The following ATRNL1 variants were observed in gnomAD, a reference collection of about 807,000 sequenced individuals.
The protein encoded by ATRNL1 is attractin-like protein 1.
A neutral mutation model predicts 182.7 loss-of-function variants in ATRNL1; 95 were observed. That is an observed-to-expected ratio of 0.52 (90% CI 0.44 to 0.62). The LOEUF is 0.62. Among genes scored for constraint, ATRNL1 ranks in the 20% least tolerant of loss-of-function variants. ATRNL1 has a pLI of 0.00. For synonymous variants in ATRNL1, 576 were observed against 568.3 expected, an observed-to-expected ratio of 1.01 and a Z score of -0.19; for missense variants, 1,471 against 1,679.5, an observed-to-expected ratio of 0.88 and a Z score of 2.17.
chr10:115,263,732 TTAACTC>T (rs1304628651), intron 10 of ATRNL1, among the ~76,000 whole-genome samples: 1 of 151,794 alleles, frequency 6.6e-6, no homozygotes, highest in Non-Finnish European at 1.5e-5. Context: ...ATTTATTAAA[TTAACTC>T]TAACATGTAA....
chr10:115,160,328 T>A, intron 6 of ATRNL1, 114 bp downstream of exon 6: 1 of 947,418 alleles, frequency 1.1e-6, no homozygotes, highest in Non-Finnish European at 1.6e-6. Context: ...TGGTAGTGTC[T>A]ATTTGCTAGT....
intron 26 of ATRNL1, among the ~76,000 whole-genome samples, chr10:115,647,720 A>T (rs1859721622): frequency 6.6e-6 from 1 of 152,082 alleles, no homozygotes; most frequent in Non-Finnish European, 1.5e-5. Flanking sequence ...AGATGAGTAG[A>T]TTGTAAAAAT....
At chr10:115,336,481 G>T (rs1229151386) in intron 19 of ATRNL1, among the ~76,000 whole-genome samples, 1 of 152,144 alleles carries the variant, frequency 6.6e-6, no homozygotes, top group Non-Finnish European at 1.5e-5. Flanking sequence ...TTTTATTGGA[G>T]AAAGTGCATG....
intron 10 of ATRNL1, among the ~76,000 whole-genome samples, chr10:115,250,065 T>C (rs1554905078): frequency 6.6e-6 from 1 of 152,286 alleles, no homozygotes; most frequent in African/African-American, 2.4e-5. Context: ...GAATTCCCCA[T>C]ATGGCCATAG....
intron 26 of ATRNL1, among the ~76,000 whole-genome samples, chr10:115,575,652 A>G (rs1854656487): frequency 6.6e-6 from 1 of 151,602 alleles, no homozygotes; most frequent in African/African-American, 2.4e-5. Context: ...TTTTTTATTT[A>G]TTTTTCATTG....
chr10:115,124,106 C>T (rs1452523084), intron 3 of ATRNL1, among the ~76,000 whole-genome samples: 2 of 151,952 alleles, frequency 1.3e-5, no homozygotes, highest in Non-Finnish European at 2.9e-5. Flanking sequence ...TCATCCTCCC[C>T]CGGTCTGTGG....
intron 19 of ATRNL1, among the ~76,000 whole-genome samples, chr10:115,385,759 G>T (rs1554952444): frequency 1.3e-5 from 2 of 152,028 alleles, no homozygotes; most frequent in Non-Finnish European, 2.9e-5. Context: ...TTGTGATACT[G>T]GTTCCTTTTT....
intron 26 of ATRNL1, among the ~76,000 whole-genome samples, chr10:115,674,246 A>G (rs185785875): frequency 6.6e-6 from 1 of 152,174 alleles, no homozygotes; most frequent in East Asian, 1.9e-4. Flanking sequence ...GATAAATGTC[A>G]CTTCCCAACC....
chr10:115,433,387 A>G (rs1443984723), intron 21 of ATRNL1, among the ~76,000 whole-genome samples: 1 of 152,126 alleles, frequency 6.6e-6, no homozygotes, highest in Non-Finnish European at 1.5e-5. Flanking sequence ...TTGTTAGTGA[A>G]TGTTTTATAT....
intron 19 of ATRNL1, among the ~76,000 whole-genome samples, chr10:115,369,635 C>T (rs1414407002): frequency 6.6e-6 from 1 of 152,058 alleles, no homozygotes; most frequent in East Asian, 1.9e-4. Context: ...TTTCAGTTTT[C>T]TGAGTAAACT....
intron 27 of ATRNL1, among the ~76,000 whole-genome samples, chr10:115,771,230 CTTTT>C (rs35473711): frequency 4.6e-5 from 6 of 131,534 alleles, no homozygotes; most frequent in Middle Eastern, 3.9e-3. Flanking sequence ...AGGATTCTTA[CTTTT>C]TTTTTTTTTT....
chr10:115,237,561 CTTTT>C (rs1377925039), intron 9 of ATRNL1, among the ~76,000 whole-genome samples: 4 of 152,062 alleles, frequency 2.6e-5, no homozygotes, highest in African/African-American at 9.7e-5. Flanking sequence ...GATCTTTTGC[CTTTT>C]TTAAAATTGA....
At chr10:115,388,210 G>C (rs1843771589) in intron 19 of ATRNL1, among the ~76,000 whole-genome samples, 4 of 152,080 alleles carry the variant, frequency 2.6e-5, no homozygotes. Context: ...TGTACTAAGA[G>C]TGGTGTGCTG....
At chr10:115,515,965 G>A (rs1850618910) in intron 24 of ATRNL1, among the ~76,000 whole-genome samples, 1 of 151,654 alleles carries the variant, frequency 6.6e-6, no homozygotes, top group African/African-American at 2.4e-5. Flanking sequence ...CTCTAATGAT[G>A]GGGTGGCCCT....
chr10:115,603,655 G>C (rs1350648577), intron 26 of ATRNL1, among the ~76,000 whole-genome samples: 3 of 151,946 alleles, frequency 2.0e-5, no homozygotes, highest in Non-Finnish European at 4.4e-5. Context: ...TATTTTATAA[G>C]CATCATCATA....
intron 20 of ATRNL1, among the ~76,000 whole-genome samples, chr10:115,402,046 G>A (rs184329091): frequency 1.3e-5 from 2 of 152,224 alleles, no homozygotes; most frequent in Non-Finnish European, 2.9e-5. Flanking sequence ...AGATGTGTGT[G>A]AGCAGGATAG....
intron 10 of ATRNL1, among the ~76,000 whole-genome samples, chr10:115,250,637 G>A (rs1204267122): frequency 1.3e-5 from 2 of 152,080 alleles, no homozygotes; most frequent in Non-Finnish European, 2.9e-5. Flanking sequence ...CCTACCAGAT[G>A]GTTTGCTTTC....
intron 8 of ATRNL1, among the ~76,000 whole-genome samples, chr10:115,179,616 T>C (rs1271427747): frequency 6.6e-6 from 1 of 152,138 alleles, no homozygotes; most frequent in Non-Finnish European, 1.5e-5. Context: ...GTAGCTACTA[T>C]TGGCTTTTTA....
chr10:115,781,941 AT>A (rs1949276356), intron 27 of ATRNL1, among the ~76,000 whole-genome samples: 1 of 152,150 alleles, frequency 6.6e-6, no homozygotes, highest in Non-Finnish European at 1.5e-5. Flanking sequence ...AATGTTTTTT[AT>A]TCTGTTGCCT....
Sources: gnomAD v4.1 joint callset for allele counts (sites outside exome capture counted in the v4.1 genomes callset) on GRCh38, gnomAD v4.1.1 for gene constraint, MANE v1.5 for transcripts, NCBI Gene and HGNC (gene_info 2026-07-23, HGNC 2026-07-21) for gene names.